The following SOS1 variants were observed in gnomAD, a reference collection of about 807,000 sequenced individuals.
The protein encoded by SOS1 is SOS Ras/Rac guanine nucleotide exchange factor 1.
SOS1 carries 25 observed loss-of-function variants against 157.6 expected under a neutral mutation model. The ratio of observed to expected loss-of-function variants is 0.16; its 90% confidence interval spans 0.12 to 0.22. The LOEUF is 0.22. SOS1 is among the 10% of genes least tolerant of loss of function. The pLI is 1.00. For missense variants in SOS1, 1,237 were observed against 1,599.1 expected (o/e 0.77, Z 3.86); for synonymous variants, 528 against 534.0 (o/e 0.99, Z 0.16).
chr2:39,069,550 CATTTTTT>C (rs1216711446), intron 1 of SOS1, among the ~76,000 whole-genome samples: 3 of 151,932 alleles, frequency 2.0e-5, no homozygotes, highest in African/African-American at 7.3e-5. Flanking sequence ...AAAACTTATT[CATTTTTT>C]ATTTTTTTGA....
intron 5 of SOS1, among the ~76,000 whole-genome samples, chr2:39,051,851 G>T (rs1033453366): frequency 1.3e-5 from 2 of 152,020 alleles, no homozygotes; most frequent in African/African-American, 4.8e-5. Flanking sequence ...CAAAGTATAC[G>T]AAAAATCTAG....
intron 1 of SOS1, among the ~76,000 whole-genome samples, chr2:39,110,095 T>C (rs978023299): frequency 1.9e-4 from 29 of 151,508 alleles, no homozygotes; most frequent in Admixed American, 1.3e-3. Flanking sequence ...CATGTATGTA[T>C]ATAGTCATCC....
intron 10 of SOS1, among the ~76,000 whole-genome samples, chr2:39,017,436 G>C (rs1216412199): frequency 6.6e-6 from 1 of 151,976 alleles, no homozygotes. Context: ...CTCTTGATCA[G>C]CCTTATTCTA....
At chr2:39,117,626 A>G (rs1673703379) in intron 1 of SOS1, among the ~76,000 whole-genome samples, 1 of 152,228 alleles carries the variant, frequency 6.6e-6, no homozygotes, top group Non-Finnish European at 1.5e-5. Flanking sequence ...AGACATCAAC[A>G]ATTCTGAGTG....
chr2:39,119,243 C>T (rs1350530135), intron 1 of SOS1, among the ~76,000 whole-genome samples: 1 of 152,136 alleles, frequency 6.6e-6, no homozygotes, highest in Non-Finnish European at 1.5e-5. Context: ...ACTAGTCAGA[C>T]ACTTGAAGGG....
At chr2:39,066,047 T>C (rs1671577999) in intron 2 of SOS1, among the ~76,000 whole-genome samples, 1 of 152,212 alleles carries the variant, frequency 6.6e-6, no homozygotes, top group African/African-American at 2.4e-5. Context: ...GATGCTCTTC[T>C]CAGCAGTTTC....
At chr2:39,070,614 T>C (rs1442533222) in intron 1 of SOS1, among the ~76,000 whole-genome samples, 1 of 152,186 alleles carries the variant, frequency 6.6e-6, no homozygotes, top group Non-Finnish European at 1.5e-5. Flanking sequence ...ACCTGTAGGA[T>C]AGTTCCACCT....
Position 39,012,203 on chromosome 2 carries a change from T to C in SOS1, c.2313A>G (p.Ile771Met). Residue 771 changes from isoleucine (I) to methionine (M), a missense_variant, in exon 14 of 23, where the codon ATA becomes ATG. Coordinates refer to ENST00000402219, the MANE Select transcript of SOS1 (RefSeq NM_005633.4). ...VEWHISRPGHIETFDLLTLHP... is the reference protein window; with the variant it reads ...VEWHISRPGHMETFDLLTLHP... ...GTAAGGTGAGCAGGTCAAAAGTCTC[T>C]ATGTGCCCAGGTCTGCTTATATGCC... 1 of 1,613,868 alleles carries C rather than the reference T, an allele frequency of 6.2e-7. No homozygotes were observed. Among genetic ancestry groups the C allele is most frequent in the South Asian group, 1.1e-5 (1 of 91,086 alleles).
chr2:39,120,427 C>T lies in SOS1; in HGVS notation c.-5G>A. On this transcript the variant is annotated 5_prime_UTR_variant, in exon 1 of 23. Coordinates refer to ENST00000402219, the MANE Select transcript of SOS1 (RefSeq NM_005633.4). ...GGGCAGCTGCTGCGCCTGCATGGTG[C>T]CCCCGGGGCGCCTCTGGGCGGGGAG... 7 of 1,580,734 alleles carry T rather than the reference C, an allele frequency of 4.4e-6. No individual in the cohort carries two copies. The highest frequency in any genetic ancestry group is 6.0e-6 in the Non-Finnish European group (7 of 1,165,634).
At chr2:39,074,088 G>A (rs1671880119) in intron 1 of SOS1, among the ~76,000 whole-genome samples, 1 of 151,996 alleles carries the variant, frequency 6.6e-6, no homozygotes, top group African/African-American at 2.4e-5. Flanking sequence ...GGTGGCCTAC[G>A]CCTGTAATCC....
intron 21 of SOS1, among the ~76,000 whole-genome samples, chr2:38,988,610 C>CT (rs1668623001): frequency 6.6e-6 from 1 of 151,862 alleles, no homozygotes; most frequent in Admixed American, 6.6e-5. Context: ...GATCACCTAC[C>CT]TTTTTTCTTA....
chr2:39,123,993 G>A (rs1673986254), upstream of SOS1, among the ~76,000 whole-genome samples: 1 of 152,202 alleles, frequency 6.6e-6, no homozygotes, highest in Non-Finnish European at 1.5e-5. Context: ...TTAGCGGCCA[G>A]GGCAGGTTTT....
intron 2 of SOS1, among the ~76,000 whole-genome samples, chr2:39,065,178 T>C (rs954254139): frequency 7.2e-5 from 11 of 152,312 alleles, no homozygotes; most frequent in African/African-American, 2.6e-4. Flanking sequence ...GAAAGCTTTG[T>C]AAGTGTATTA....
chr2:39,025,873 T>C (rs903364056), intron 8 of SOS1, among the ~76,000 whole-genome samples: 55 of 152,232 alleles, frequency 3.6e-4, no homozygotes, highest in African/African-American at 1.3e-3. Context: ...AAACCATTTT[T>C]ATTAAAATTT....
At position 39,012,352 on chromosome 2, in the gene SOS1, C is replaced by T; in HGVS notation, c.2168-4G>A. Reference sequence around the variant, plus strand: ...ACCCATTTTTTCATTGCTTTACCTGCAATACATTATATTTTAAATAACATT... The same window carrying T: ...ACCCATTTTTTCATTGCTTTACCTGTAATACATTATATTTTAAATAACATT... On this transcript the variant is annotated splice_polypyrimidine_tract_variant and splice_region_variant and intron_variant, in intron 13 of 22. Coordinates refer to ENST00000402219, the MANE Select transcript of SOS1 (RefSeq NM_005633.4). 7.1e-7 allele frequency: 1 copy of T among 1,405,610 alleles called. No homozygotes were observed. Among genetic ancestry groups the T allele is most frequent in the Non-Finnish European group, 1.0e-6 (1 of 993,574 alleles). 87.1% of individuals were successfully genotyped at this position (1,405,610 alleles called of 1,614,324 possible). A position where few individuals can be genotyped will look rare whatever the true frequency, so the allele number is the denominator to read the frequency against.
At chr2:39,015,205 A>C (rs1669592629) in intron 10 of SOS1, among the ~76,000 whole-genome samples, 1 of 151,796 alleles carries the variant, frequency 6.6e-6, no homozygotes, top group Non-Finnish European at 1.5e-5. Context: ...CCCCCTTATA[A>C]AGAGAAAGGC....
At chr2:39,026,622 C>CA (rs1397042501) in intron 8 of SOS1, among the ~76,000 whole-genome samples, 1 of 152,146 alleles carries the variant, frequency 6.6e-6, no homozygotes, top group Non-Finnish European at 1.5e-5. Context: ...GGTAATCTCT[C>CA]AAAGTACCTT....
chr2:38,992,380 CAA>C (rs1160814475), intron 20 of SOS1: 1 of 152,072 alleles, frequency 6.6e-6, no homozygotes, highest in Non-Finnish European at 1.5e-5. Flanking sequence ...TTATCATAAA[CAA>C]AGAGAAATTG....
intron 6 of SOS1, among the ~76,000 whole-genome samples, chr2:39,036,626 T>G (rs1034163961): frequency 1.3e-5 from 2 of 151,816 alleles, no homozygotes; most frequent in African/African-American, 4.8e-5. Context: ...CAGGCTGGAG[T>G]GCAGTGGCGC....
Sources: gnomAD v4.1 joint callset for allele counts (sites outside exome capture counted in the v4.1 genomes callset) on GRCh38, gnomAD v4.1.1 for gene constraint, MANE v1.5 for transcripts, NCBI Gene and HGNC (gene_info 2026-07-23, HGNC 2026-07-21) for gene names.